The following TNS3 variants were observed in gnomAD, a reference collection of about 807,000 sequenced individuals.
TNS3 encodes tensin-3.
TNS3 carries 45 observed loss-of-function variants against 140.9 expected under a neutral mutation model. The observed-to-expected ratio is 0.32, with a 90% confidence interval of 0.25 to 0.41. TNS3 has a LOEUF of 0.41. TNS3 is among the 10% of genes least tolerant of loss of function. The probability of loss-of-function intolerance (pLI) is 1.00; values close to 1 mark genes in which losing one functional copy is unlikely to be tolerated. For missense variants in TNS3, 1,716 were observed against 1,906.7 expected (o/e 0.90, Z 1.86); for synonymous variants, 815 against 788.4 (o/e 1.03, Z -0.56).
At chr7:47,447,407 C>T (rs1025272106) in intron 4 of TNS3, among the ~76,000 whole-genome samples, 1 of 152,130 alleles carries the variant, frequency 6.6e-6, no homozygotes, top group Admixed American at 6.5e-5. Context: ...GAGAAAGTAG[C>T]CTAGCCTTAT....
chr7:47,524,895 G>T (rs1799136329), intron 2 of TNS3, among the ~76,000 whole-genome samples: 1 of 151,256 alleles, frequency 6.6e-6, no homozygotes, highest in African/African-American at 2.4e-5. Flanking sequence ...GGAGGAGGAG[G>T]TAAAGAAGAA....
intron 20 of TNS3, among the ~76,000 whole-genome samples, chr7:47,312,594 T>C (rs558213104): frequency 6.6e-6 from 1 of 152,058 alleles, no homozygotes; most frequent in Non-Finnish European, 1.5e-5. Context: ...TCCCAGCTAC[T>C]CGGGAGGCTA....
intron 3 of TNS3, among the ~76,000 whole-genome samples, chr7:47,501,277 T>C (rs1223313701): frequency 4.6e-5 from 7 of 152,096 alleles, no homozygotes; most frequent in African/African-American, 1.4e-4. Context: ...ATTCAGATCA[T>C]TCATTCCTAG....
intron 4 of TNS3, among the ~76,000 whole-genome samples, chr7:47,445,520 T>G (rs1300035159): frequency 2.0e-5 from 3 of 152,190 alleles, no homozygotes; most frequent in Non-Finnish European, 4.4e-5. Context: ...AGGCTGCCCC[T>G]GAATCACATG....
intron 1 of TNS3, among the ~76,000 whole-genome samples, chr7:47,530,823 C>A (rs1187201124): frequency 1.1e-3 from 50 of 44,980 alleles, no homozygotes; most frequent in East Asian, 2.9e-3. Flanking sequence ...AACTCCATCT[C>A]AAAAAAAAAA....
chr7:47,489,819 G>C (rs558816461), intron 3 of TNS3, among the ~76,000 whole-genome samples: 3 of 152,156 alleles, frequency 2.0e-5, no homozygotes, highest in African/African-American at 7.2e-5. Flanking sequence ...GCACAGGATC[G>C]CTCGGGGGCC....
At chr7:47,408,248 C>T (rs1351751222) in intron 13 of TNS3, among the ~76,000 whole-genome samples, 1 of 152,160 alleles carries the variant, frequency 6.6e-6, no homozygotes, top group Admixed American at 6.5e-5. Flanking sequence ...CCCTGCCCCA[C>T]CCTGTTCCTG....
chr7:47,550,822 A>T (rs1448279548), intron 1 of TNS3, among the ~76,000 whole-genome samples: 1 of 152,172 alleles, frequency 6.6e-6, no homozygotes, highest in Admixed American at 6.5e-5. Flanking sequence ...TAATAATCAC[A>T]TCCATATTCA....
chr7:47,403,119 C>A (rs1793250253), intron 13 of TNS3: 2 of 152,498 alleles, frequency 1.3e-5, no homozygotes, highest in South Asian at 4.1e-4. Flanking sequence ...AGTACCGCCC[C>A]GCCCAGCGCA....
chr7:47,472,113 CTG>C (rs1796979709), intron 4 of TNS3, among the ~76,000 whole-genome samples: 1 of 152,230 alleles, frequency 6.6e-6, no homozygotes, highest in South Asian at 2.1e-4. Context: ...GCCTCTGCCT[CTG>C]TCATCACCTG....
intron 13 of TNS3, among the ~76,000 whole-genome samples, chr7:47,409,498 G>A (rs1175329110): frequency 1.3e-5 from 2 of 152,152 alleles, no homozygotes; most frequent in African/African-American, 2.4e-5. Flanking sequence ...CATCTTAAAG[G>A]GACGGAGCCG....
At chr7:47,541,331 T>A (rs74391518) in intron 1 of TNS3, among the ~76,000 whole-genome samples, 2,600 of 152,214 alleles carry the variant, frequency 0.017, 66 homozygotes, top group African/African-American at 0.059. Context: ...TCAAAGTAGA[T>A]GTGAATGTGT....
intron 16 of TNS3, among the ~76,000 whole-genome samples, chr7:47,389,560 C>T (rs1311817908): frequency 1.3e-5 from 2 of 151,852 alleles, no homozygotes; most frequent in South Asian, 2.1e-4. Context: ...AATGAGATGG[C>T]GGCTCAGGGA....
intron 10 of TNS3, among the ~76,000 whole-genome samples, chr7:47,419,225 G>A (rs1207353553): frequency 6.6e-6 from 1 of 152,254 alleles, no homozygotes; most frequent in Non-Finnish European, 1.5e-5. Context: ...CCAGAGTGTA[G>A]GTGGCTTTGC....
intron 16 of TNS3, among the ~76,000 whole-genome samples, chr7:47,386,639 G>A (rs904603827): frequency 3.3e-5 from 5 of 152,216 alleles, no homozygotes; most frequent in African/African-American, 7.2e-5. Context: ...GCAACGAGCC[G>A]AGGCGGTCTC....
chr7:47,415,218 A>G lies in TNS3; in HGVS notation c.474-12T>C. On this transcript the variant is annotated splice_polypyrimidine_tract_variant and intron_variant, in intron 10 of 30. Coordinates refer to ENST00000311160, the MANE Select transcript of TNS3 (RefSeq NM_022748.12). ...GGAACTGAACATACCTGCAAAACGG[A>G]CAGCTGGGTTACACTTCCCAGAAGT... 1 of 1,590,142 alleles carries G rather than the reference A, an allele frequency of 6.3e-7. No homozygotes were observed. The highest frequency in any genetic ancestry group is 8.6e-7 in the Non-Finnish European group (1 of 1,166,732).
intron 10 of TNS3, among the ~76,000 whole-genome samples, chr7:47,417,884 A>G (rs1211153413): frequency 6.6e-6 from 1 of 152,252 alleles, no homozygotes; most frequent in Admixed American, 6.5e-5. Flanking sequence ...GCTGTAGTGA[A>G]TGCTATGAGA....
At chr7:47,291,413 C>T (rs895142380) in intron 27 of TNS3, among the ~76,000 whole-genome samples, 1 of 152,062 alleles carries the variant, frequency 6.6e-6, no homozygotes, top group African/African-American at 2.4e-5. Context: ...ATGTTGACAG[C>T]GGGGAGGCTA....
intron 1 of TNS3, chr7:47,539,001 C>A (rs1799704198): frequency 2.2e-6 from 1 of 456,354 alleles, no homozygotes; most frequent in Admixed American, 2.3e-5. Context: ...CAGCTAAGAA[C>A]AGGATATGCT....
Sources: allele counts gnomAD v4.1 joint callset (sites outside exome capture counted in the v4.1 genomes callset), GRCh38; gene constraint gnomAD v4.1.1; transcripts MANE v1.5; gene names NCBI Gene and HGNC (gene_info 2026-07-23, HGNC 2026-07-21).